The following LOC122539214 variants were observed in gnomAD, a reference collection of about 807,000 sequenced individuals.
chr19:52,668,916 A>G, the LOC122539214 span, among the ~76,000 whole-genome samples: 1 of 152,074 alleles, frequency 6.6e-6, no homozygotes, highest in African/African-American at 2.4e-5. Flanking sequence ...AAAGTTCGAC[A>G]CCCTGTGGGT....
At chr19:52,663,930 C>G in the LOC122539214 span, among the ~76,000 whole-genome samples, 1 of 152,124 alleles carries the variant, frequency 6.6e-6, no homozygotes, top group Non-Finnish European at 1.5e-5. Context: ...CTCTGTTGCC[C>G]GGCTGGAATG....
the LOC122539214 span, among the ~76,000 whole-genome samples, chr19:52,668,617 A>G: frequency 6.6e-6 from 1 of 152,180 alleles, no homozygotes. Context: ...CCAAATGACA[A>G]AAGCAAGTTC....
chr19:52,666,070 G>A, the LOC122539214 span, among the ~76,000 whole-genome samples: 5 of 151,640 alleles, frequency 3.3e-5, no homozygotes, highest in African/African-American at 7.3e-5. Context: ...AGGGTGAGGT[G>A]GGAGAATGGT....
the LOC122539214 span, among the ~76,000 whole-genome samples, chr19:52,686,459 CATATATATATATAT>C: frequency 7.0e-6 from 1 of 143,078 alleles, no homozygotes; most frequent in South Asian, 2.2e-4. Flanking sequence ...AAAAAAATTA[CATATATATATATAT>C]ATATATATAA....
At chr19:52,688,950 GAAAAAAAAAAAA>G in the LOC122539214 span, among the ~76,000 whole-genome samples, 1 of 126,804 alleles carries the variant, frequency 7.9e-6, no homozygotes, top group African/African-American at 2.8e-5. Context: ...AAGGTTGAAG[GAAAAAAAAAAAA>G]AAAAAAAAAA....
chr19:52,679,304 A>G, the LOC122539214 span, among the ~76,000 whole-genome samples: 7 of 152,112 alleles, frequency 4.6e-5, no homozygotes, highest in Non-Finnish European at 7.4e-5. Context: ...AGAAGCTTCT[A>G]TGATGCTCCT....
the LOC122539214 span, among the ~76,000 whole-genome samples, chr19:52,659,612 T>TGAAAAAAA: frequency 1.9e-5 from 1 of 52,920 alleles, no homozygotes. Context: ...AGACTCCAAC[T>TGAAAAAAA]CAAAAAAAAA....
At chr19:52,651,345 C>T in the LOC122539214 span, 1 of 152,214 alleles carries the variant, frequency 6.6e-6, no homozygotes, top group African/African-American at 2.4e-5. Context: ...GCTGGACAGT[C>T]TTACCCCAAG....
At chr19:52,676,647 C>G in the LOC122539214 span, among the ~76,000 whole-genome samples, 3 of 145,380 alleles carry the variant, frequency 2.1e-5, no homozygotes. Flanking sequence ...TCATTGAGAA[C>G]GGGCCAGGAT....
At chr19:52,653,352 A>C in the LOC122539214 span, 9 of 1,208,366 alleles carry the variant, frequency 7.4e-6, no homozygotes, top group African/African-American at 9.0e-5. Context: ...GATGTTGTGC[A>C]AGGTATGAAT....
At chr19:52,687,545 A>T in the LOC122539214 span, among the ~76,000 whole-genome samples, 21 of 37,402 alleles carry the variant, frequency 5.6e-4, 2 homozygotes, top group African/African-American at 1.1e-3. Flanking sequence ...ATATATATAA[A>T]TTATATGTGT....
the LOC122539214 span, chr19:52,652,851 G>C: frequency 1.0e-6 from 1 of 977,010 alleles, no homozygotes; most frequent in South Asian, 1.3e-5. Flanking sequence ...GGCATACAAA[G>C]GATGACATAT....
chr19:52,680,748 G>A, the LOC122539214 span, among the ~76,000 whole-genome samples: 82 of 143,004 alleles, frequency 5.7e-4, 5 homozygotes, highest in African/African-American at 2.2e-3. Context: ...GAGTAACTGG[G>A]ACTACAGGCG....
the LOC122539214 span, among the ~76,000 whole-genome samples, chr19:52,668,290 A>C: frequency 1.3e-5 from 2 of 152,254 alleles, no homozygotes; most frequent in South Asian, 4.2e-4. Flanking sequence ...GGGACACATC[A>C]CACCTGAGTC....
chr19:52,679,620 A>G, the LOC122539214 span, among the ~76,000 whole-genome samples: 2 of 152,176 alleles, frequency 1.3e-5, no homozygotes, highest in African/African-American at 2.4e-5. Context: ...CAAAAAATAA[A>G]TAAATAAAAG....
the LOC122539214 span, among the ~76,000 whole-genome samples, chr19:52,687,575 ATTT>A: frequency 3.3e-5 from 1 of 30,262 alleles, no homozygotes; most frequent in African/African-American, 2.1e-4. Context: ...ATATATATAA[ATTT>A]TATATATATA....
At chr19:52,679,991 C>G in the LOC122539214 span, among the ~76,000 whole-genome samples, 4 of 152,194 alleles carry the variant, frequency 2.6e-5, no homozygotes, top group Middle Eastern at 3.4e-3. Context: ...ACCAGACTGA[C>G]CAACATGGAG....
At chr19:52,660,901 T>C in the LOC122539214 span, 16,368 of 153,620 alleles carry the variant, frequency 0.11, 977 homozygotes, top group African/African-American at 0.15. Flanking sequence ...AGTCCAGCTC[T>C]GTCACCATGA....
At chr19:52,677,958 C>T in the LOC122539214 span, among the ~76,000 whole-genome samples, 5 of 151,966 alleles carry the variant, frequency 3.3e-5, no homozygotes, top group African/African-American at 1.2e-4. Context: ...TTGCTTGAAC[C>T]TGGGAGTCGG....
Sources: gnomAD v4.1 joint callset for allele counts (sites outside exome capture counted in the v4.1 genomes callset) on GRCh38, gnomAD v4.1.1 for gene constraint, MANE v1.5 for transcripts.